The following HS6ST3 variants were observed in gnomAD, a reference collection of about 807,000 sequenced individuals.
HS6ST3 encodes heparan-sulfate 6-O-sulfotransferase 3.
HS6ST3 carries 12 observed loss-of-function variants against 36.7 expected under a neutral mutation model. That is an observed-to-expected ratio of 0.33 (90% CI 0.21 to 0.53). The LOEUF (loss-of-function observed/expected upper bound fraction) is 0.53. Among genes scored for constraint, HS6ST3 ranks in the 20% least tolerant of loss-of-function variants. The pLI, the probability that HS6ST3 is intolerant of heterozygous loss-of-function variation, is 0.95. For synonymous variants in HS6ST3, 240 were observed against 257.5 expected (o/e 0.93, Z 0.65); for missense variants, 584 against 640.9 (o/e 0.91, Z 0.96).
intron 1 of HS6ST3, among the ~76,000 whole-genome samples, chr13:96,226,577 G>A (rs945490651): frequency 1.3e-4 from 20 of 152,142 alleles, no homozygotes; most frequent in African/African-American, 4.6e-4. Flanking sequence ...CTTTTGTTTT[G>A]GTGGTGGTTG....
chr13:96,290,626 T>C (rs1566313270), intron 1 of HS6ST3, among the ~76,000 whole-genome samples: 1 of 152,132 alleles, frequency 6.6e-6, no homozygotes, highest in Non-Finnish European at 1.5e-5. Context: ...AGCCTTTACA[T>C]TGGCCTTCCT....
At chr13:96,361,487 A>G (rs935593042) in intron 1 of HS6ST3, among the ~76,000 whole-genome samples, 1 of 152,224 alleles carries the variant, frequency 6.6e-6, no homozygotes, top group African/African-American at 2.4e-5. Flanking sequence ...ATCCTAATTC[A>G]CATCATTTAA....
intron 1 of HS6ST3, among the ~76,000 whole-genome samples, chr13:96,167,665 C>T (rs1486856574): frequency 6.6e-6 from 1 of 152,194 alleles, no homozygotes; most frequent in Non-Finnish European, 1.5e-5. Context: ...ACTATGTCCT[C>T]ACACTAATGC....
At chr13:96,586,650 C>A (rs2056362667) in intron 1 of HS6ST3, among the ~76,000 whole-genome samples, 1 of 152,136 alleles carries the variant, frequency 6.6e-6, no homozygotes, top group African/African-American at 2.4e-5. Context: ...ATTTTTTAAG[C>A]AGATTGTTTT....
chr13:96,804,421 A>G (rs1333779542), intron 1 of HS6ST3, among the ~76,000 whole-genome samples: 1 of 152,098 alleles, frequency 6.6e-6, no homozygotes, highest in Non-Finnish European at 1.5e-5. Flanking sequence ...AGTTATTCTG[A>G]TTACACATGC....
intron 1 of HS6ST3, among the ~76,000 whole-genome samples, chr13:96,464,947 C>CGTGTGTGTGTGTGTGTGTGT (rs71113997): frequency 6.9e-6 from 1 of 145,460 alleles, no homozygotes; most frequent in Non-Finnish European, 1.5e-5. Context: ...CAAGATGCTT[C>CGTGTGTGTGTGTGTGTGTGT]GTGTGTGTGT....
In HS6ST3 at chr13:96,832,698, G is replaced by A. The variant is rs1878833798; in HGVS notation, c.916G>A (p.Ala306Thr). ...REFMDCTYNL[A>T]NNRQVRMLAD... is the part of the protein sequence containing the mutation. Reference sequence around the variant, plus strand: ...GTTTATGGATTGCACCTACAACCTGGCTAACAATCGCCAGGTGCGCATGCT... The same window carrying A: ...GTTTATGGATTGCACCTACAACCTGACTAACAATCGCCAGGTGCGCATGCT... The change falls in exon 2 of 2, where the codon GCT (alanine) becomes ACT (threonine). Residue 306 changes from alanine (A) to threonine (T), a missense_variant. This residue lies in a region of HS6ST3 where 360 missense variants were observed against 411.3 expected (regional missense o/e 0.88). Coordinates refer to ENST00000376705, the MANE Select transcript of HS6ST3 (RefSeq NM_153456.4). 4 of 1,613,940 alleles carry A rather than the reference G, an allele frequency of 2.5e-6. No homozygotes were observed. The highest frequency in any genetic ancestry group is 3.4e-6 in the Non-Finnish European group (4 of 1,179,904).
At chr13:96,118,678 ATATATATATATTTTTTTTTTTTTTTTTT>A (rs2053908982) in intron 1 of HS6ST3, among the ~76,000 whole-genome samples, 1 of 21,918 alleles carries the variant, frequency 4.6e-5, no homozygotes, top group South Asian at 2.7e-3. Flanking sequence ...ATATATATAT[ATATATATATATTTTTTTTTTTTTTTTTT>A]TTTTTTTTTT....
At chr13:96,755,056 A>G (rs552110609) in intron 1 of HS6ST3, among the ~76,000 whole-genome samples, 1 of 152,126 alleles carries the variant, frequency 6.6e-6, no homozygotes, top group East Asian at 1.9e-4. Flanking sequence ...TTAAGTATAT[A>G]ATTTGTCAAT....
At chr13:96,520,797 A>G (rs9513161) in intron 1 of HS6ST3, among the ~76,000 whole-genome samples, 122,753 of 152,096 alleles carry the variant, frequency 0.81, 50,867 homozygotes, top group Non-Finnish European at 0.9. Flanking sequence ...TGCAAACAGA[A>G]ACAATTTGAC....
chr13:96,753,975 C>T (rs908968221), intron 1 of HS6ST3, among the ~76,000 whole-genome samples: 4 of 152,090 alleles, frequency 2.6e-5, no homozygotes, highest in African/African-American at 4.8e-5. Context: ...CCCACTACCA[C>T]GCCCAGCTAA....
In HS6ST3 at chr13:96,737,354, G is replaced by A. The variant is rs1221089591; in HGVS notation, c.708-95136G>A. Among the ~76,000 whole-genome samples the A allele has an allele frequency of 2.0e-5, 3 of 152,122 alleles. No individual in the cohort carries two copies. In the South Asian group the frequency reaches 6.2e-4, roughly 31 times the overall value. On this transcript the variant is annotated intron_variant, in intron 1 of 1. Transcript: ENST00000376705. Reference sequence around the variant, plus strand: ...AAAAGAGATTATTTTGGCCGGGCGCGGTGGTTCACGCCTGTAATCCCAGCA... The same window carrying A: ...AAAAGAGATTATTTTGGCCGGGCGCAGTGGTTCACGCCTGTAATCCCAGCA...
chr13:96,607,776 T>C (rs1465641942), intron 1 of HS6ST3, among the ~76,000 whole-genome samples: 1 of 152,334 alleles, frequency 6.6e-6, no homozygotes, highest in East Asian at 1.9e-4. Context: ...TCCTTGAGAA[T>C]CAGATTTTTG....
At chr13:96,183,931 G>C (rs967868116) in intron 1 of HS6ST3, among the ~76,000 whole-genome samples, 2 of 152,082 alleles carry the variant, frequency 1.3e-5, no homozygotes, top group Non-Finnish European at 2.9e-5. Context: ...GGCCAGGCAT[G>C]GTGGCTCACG....
intron 1 of HS6ST3, among the ~76,000 whole-genome samples, chr13:96,160,995 TTCCTTAATGTTTAAC>T (rs891507048): frequency 2.0e-5 from 3 of 152,182 alleles, no homozygotes; most frequent in African/African-American, 7.2e-5. Context: ...GATTCTGTAC[TTCCTTAATGTTTAAC>T]TCCTTAATTC....
chr13:96,307,973 ATTTAT>A (rs1000285744), intron 1 of HS6ST3, among the ~76,000 whole-genome samples: 65 of 152,078 alleles, frequency 4.3e-4, no homozygotes, highest in African/African-American at 1.5e-3. Flanking sequence ...TGAAGAACTA[ATTTAT>A]TTTAAAGAGA....
intron 1 of HS6ST3, among the ~76,000 whole-genome samples, chr13:96,760,389 A>G (rs1876934962): frequency 6.6e-6 from 1 of 152,050 alleles, no homozygotes; most frequent in East Asian, 1.9e-4. Context: ...GAGTTGAGAA[A>G]CTTACCACTC....
chr13:96,634,567 A>G (rs1474405333), intron 1 of HS6ST3, among the ~76,000 whole-genome samples: 2 of 152,136 alleles, frequency 1.3e-5, no homozygotes, highest in Non-Finnish European at 2.9e-5. Context: ...CTAGAAAGGT[A>G]TTTGAAGACT....
intron 1 of HS6ST3, among the ~76,000 whole-genome samples, chr13:96,669,736 T>TA (rs2056676918): frequency 6.6e-6 from 1 of 152,148 alleles, no homozygotes; most frequent in Non-Finnish European, 1.5e-5. Context: ...TTTAAAATAG[T>TA]AAAAATTCTC....
Sources: gnomAD v4.1 joint callset for allele counts (sites outside exome capture counted in the v4.1 genomes callset) on GRCh38, gnomAD v4.1.1 for gene constraint, gnomAD v4.1.1 regional missense constraint, MANE v1.5 for transcripts, NCBI Gene and HGNC (gene_info 2026-07-23, HGNC 2026-07-21) for gene names.